ADAMTSL1: variants seen among roughly 807,000 people sequenced by gnomAD.
ADAMTSL1 encodes ADAMTS-like protein 1.
A neutral mutation model predicts 201.8 loss-of-function variants in ADAMTSL1; 126 were observed. That is an observed-to-expected ratio of 0.62 (90% CI 0.54 to 0.72). ADAMTSL1 has a LOEUF of 0.72. Ranked by LOEUF, ADAMTSL1 falls within the 30% of genes least tolerant of loss-of-function variation. The pLI is 0.00. For missense variants in ADAMTSL1, 2,679 were observed against 2,277.8 expected, an observed-to-expected ratio of 1.18 and a Z score of -3.59; for synonymous variants, 1,121 against 903.4, an observed-to-expected ratio of 1.24 and a Z score of -4.32.
intron 1 of ADAMTSL1, among the ~76,000 whole-genome samples, chr9:18,077,165 G>C (rs545408422): frequency 1.6e-4 from 25 of 152,268 alleles, no homozygotes; most frequent in Admixed American, 4.6e-4. Context: ...CCAAATGTAG[G>C]TATAAAATTA....
intron 2 of ADAMTSL1, among the ~76,000 whole-genome samples, chr9:18,291,697 GCT>G (rs71333035): frequency 5.3e-5 from 7 of 132,576 alleles, no homozygotes; most frequent in East Asian, 2.2e-4. Flanking sequence ...GTGCGCACAT[GCT>G]CTCTCTCTCT....
chr9:18,235,290 A>G (rs1340450606), intron 2 of ADAMTSL1, among the ~76,000 whole-genome samples: 1 of 152,178 alleles, frequency 6.6e-6, no homozygotes, highest in Non-Finnish European at 1.5e-5. Context: ...CATCATGACT[A>G]GGTTGGTGTT....
intron 3 of ADAMTSL1, among the ~76,000 whole-genome samples, chr9:18,564,222 C>A (rs376082401): frequency 6.6e-6 from 1 of 152,212 alleles, no homozygotes; most frequent in African/African-American, 2.4e-5. Flanking sequence ...ATAGCACCGT[C>A]CCTCGTGCAC....
chr9:18,539,470 A>C (rs1055387165), intron 3 of ADAMTSL1, among the ~76,000 whole-genome samples: 1 of 152,198 alleles, frequency 6.6e-6, no homozygotes, highest in Non-Finnish European at 1.5e-5. Context: ...TGCCTCTTGC[A>C]CTGTGAACCT....
intron 21 of ADAMTSL1, among the ~76,000 whole-genome samples, chr9:18,818,485 G>A (rs1055500189): frequency 6.6e-6 from 1 of 152,154 alleles, no homozygotes; most frequent in Non-Finnish European, 1.5e-5. Flanking sequence ...GAAATATTCT[G>A]ATAGCTTTAG....
intron 1 of ADAMTSL1, among the ~76,000 whole-genome samples, chr9:17,985,846 C>A (rs1818907494): frequency 6.6e-6 from 1 of 152,098 alleles, no homozygotes; most frequent in South Asian, 2.1e-4. Flanking sequence ...ATTGTAGGCA[C>A]AAACCTCCTC....
chr9:18,031,827 C>T (rs953023708), intron 1 of ADAMTSL1, among the ~76,000 whole-genome samples: 10 of 152,210 alleles, frequency 6.6e-5, no homozygotes, highest in Non-Finnish European at 1.5e-4. Flanking sequence ...TGCTGGTCCT[C>T]TGAGCTTGGC....
chr9:18,306,801 C>G (rs1343958278), intron 2 of ADAMTSL1, among the ~76,000 whole-genome samples: 2 of 152,172 alleles, frequency 1.3e-5, no homozygotes, highest in Non-Finnish European at 2.9e-5. Flanking sequence ...CTTCCCCAAC[C>G]TAGCAAGACA....
At chr9:18,245,103 G>T (rs1419363539) in intron 2 of ADAMTSL1, among the ~76,000 whole-genome samples, 1 of 152,142 alleles carries the variant, frequency 6.6e-6, no homozygotes, top group Non-Finnish European at 1.5e-5. Context: ...CATGGCAGGT[G>T]TTAGATCAGG....
intron 2 of ADAMTSL1, among the ~76,000 whole-genome samples, chr9:18,309,778 A>T (rs1028381117): frequency 5.3e-5 from 8 of 152,118 alleles, no homozygotes; most frequent in African/African-American, 1.9e-4. Context: ...TTACAGATTC[A>T]ATGCTATCCC....
At position 18,466,613 on chromosome 9, in the gene ADAMTSL1, C is replaced by T. The variant is rs904460503; in HGVS notation, c.208-38216C>T. Among the ~76,000 whole-genome samples the T allele has an allele frequency of 8.5e-4, 130 of 152,106 alleles. 1 individual carries two copies. Among genetic ancestry groups the T allele is most frequent in the African/African-American group, 3.0e-3 (124 of 41,506 alleles). ...TAATGTTGTACACCATAAATATATG[C>T]AATTTTATTTGTCAATTATTTAAAA... is the stretch of plus-strand genomic sequence containing the variant. On this transcript the variant is annotated intron_variant, in intron 2 of 29. Coordinates refer to the ADAMTSL1 transcript ENST00000680146.
At chr9:18,113,004 C>T (rs551083333) in intron 1 of ADAMTSL1, among the ~76,000 whole-genome samples, 116 of 152,208 alleles carry the variant, frequency 7.6e-4, no homozygotes, top group Non-Finnish European at 6.0e-4. Flanking sequence ...AATGTCTAGT[C>T]CAGGGCTTTT....
At chr9:18,504,457 C>A (rs1356528481) in intron 1 of ADAMTSL1, among the ~76,000 whole-genome samples, 1 of 152,166 alleles carries the variant, frequency 6.6e-6, no homozygotes, top group Non-Finnish European at 1.5e-5. Context: ...GACAGAAATA[C>A]CTCTGAGAGC....
Position 18,531,998 on chromosome 9 carries a change from T to C in ADAMTSL1, c.192-1249T>C, listed in dbSNP as rs554574237. Among the ~76,000 whole-genome samples, 4 of 152,318 alleles carry C rather than the reference T, an allele frequency of 2.6e-5. No individual in the cohort carries two copies. The South Asian group carries it at 8.3e-4, about 32-fold the overall frequency. ...ATGGTACTCTATCTCTCCGGGTTTTTGAGAATATTAAATAAATTTATACAT... is the reference window on the plus strand; with the variant it reads ...ATGGTACTCTATCTCTCCGGGTTTTCGAGAATATTAAATAAATTTATACAT... On this transcript the variant is annotated intron_variant, in intron 2 of 28. Transcript: ENST00000380548.
At chr9:18,174,826 C>A (rs1828065568) in intron 2 of ADAMTSL1, among the ~76,000 whole-genome samples, 1 of 152,006 alleles carries the variant, frequency 6.6e-6, no homozygotes, top group Admixed American at 6.6e-5. Context: ...AGTAAGAGAA[C>A]AATGTCGTAA....
intron 4 of ADAMTSL1, among the ~76,000 whole-genome samples, chr9:18,605,600 A>G (rs1824958786): frequency 6.6e-6 from 1 of 152,200 alleles, no homozygotes; most frequent in Non-Finnish European, 1.5e-5. Context: ...GCCCAGAGAC[A>G]GCATCAGGCC....
intron 2 of ADAMTSL1, among the ~76,000 whole-genome samples, chr9:18,441,556 G>A (rs1449627091): frequency 6.6e-6 from 1 of 152,158 alleles, no homozygotes; most frequent in Non-Finnish European, 1.5e-5. Flanking sequence ...ACCCTGGACT[G>A]CCACGGGAAG....
chr9:18,484,769 C>A (rs979974448), intron 1 of ADAMTSL1, among the ~76,000 whole-genome samples: 1 of 152,078 alleles, frequency 6.6e-6, no homozygotes, highest in African/African-American at 2.4e-5. Context: ...TTAAGAAACT[C>A]GATCAGTGGG....
At chr9:18,569,182 CT>C (rs1384941604) in intron 3 of ADAMTSL1, among the ~76,000 whole-genome samples, 1 of 152,162 alleles carries the variant, frequency 6.6e-6, no homozygotes, top group Non-Finnish European at 1.5e-5. Context: ...TGGGATCCAT[CT>C]TATCTTTCCC....
Sources: allele counts gnomAD v4.1 joint callset (sites outside exome capture counted in the v4.1 genomes callset), GRCh38; gene constraint gnomAD v4.1.1; transcripts MANE v1.5; gene names NCBI Gene and HGNC (gene_info 2026-07-23, HGNC 2026-07-21).